GADL1: variants seen among roughly 807,000 people sequenced by gnomAD.
The protein encoded by GADL1 is GAD like acidic amino acid decarboxylase 1.
GADL1 carries 71 observed loss-of-function variants against 69.5 expected under a neutral mutation model. The observed-to-expected ratio is 1.02, with a 90% CI of 0.84 to 1.25. The LOEUF (loss-of-function observed/expected upper bound fraction) is 1.25, where lower values mean the gene tolerates loss of function less well. GADL1 is among the 50% of genes most tolerant of loss of function. The pLI, the probability that GADL1 is intolerant of heterozygous loss-of-function variation, is 0.00. For synonymous variants in GADL1, 254 were observed against 214.4 expected, an observed-to-expected ratio of 1.18 and a Z score of -1.62; for missense variants, 737 against 631.8, an observed-to-expected ratio of 1.17 and a Z score of -1.79.
At chr3:30,800,844 CACACACA>C in intron 12 of GADL1, 38 bp downstream of exon 12, 1 of 1,187,778 alleles carries the variant, frequency 8.4e-7, no homozygotes, top group Non-Finnish European at 1.2e-6. Flanking sequence ...CACACACACA[CACACACA>C]GAAAGAGAGA....
intron 14 of GADL1, among the ~76,000 whole-genome samples, chr3:30,777,048 G>C (rs985657847): frequency 1.3e-5 from 2 of 152,006 alleles, no homozygotes; most frequent in African/African-American, 4.8e-5. Flanking sequence ...GGTACTTCTT[G>C]GTTACCTTGT....
intron 9 of GADL1, among the ~76,000 whole-genome samples, chr3:30,835,778 A>T (rs1407631474): frequency 2.6e-5 from 4 of 152,026 alleles, no homozygotes; most frequent in Admixed American, 2.6e-4. Context: ...ATGTGTTTCA[A>T]GGGTGTTGGG....
chr3:30,817,942 A>T (rs1697502921), intron 11 of GADL1, among the ~76,000 whole-genome samples: 1 of 152,212 alleles, frequency 6.6e-6, no homozygotes, highest in South Asian at 2.1e-4. Context: ...ACTGCTATGG[A>T]ACTGGAGATA....
At chr3:30,878,873 T>C (rs1698609781) in intron 1 of GADL1, among the ~76,000 whole-genome samples, 1 of 151,988 alleles carries the variant, frequency 6.6e-6, no homozygotes, top group Non-Finnish European at 1.5e-5. Flanking sequence ...TTATTTTATT[T>C]AGTCCAATCT....
chr3:30,810,068 C>T (rs988644051), intron 11 of GADL1, among the ~76,000 whole-genome samples: 5 of 152,146 alleles, frequency 3.3e-5, no homozygotes, highest in Admixed American at 1.3e-4. Context: ...TTCTCTTCTG[C>T]CATATAGTGA....
chr3:30,800,464 G>C (rs1213372738), intron 12 of GADL1: 1 of 182,708 alleles, frequency 5.5e-6, no homozygotes, highest in Non-Finnish European at 1.1e-5. Context: ...TCTGGGTGGG[G>C]ACACAGAGTC....
intron 14 of GADL1, among the ~76,000 whole-genome samples, chr3:30,744,614 C>T (rs1445962015): frequency 3.3e-5 from 5 of 151,874 alleles, no homozygotes; most frequent in East Asian, 1.9e-4. Flanking sequence ...CTTGGGAGAC[C>T]GAGGCGGGAG....
intron 13 of GADL1, among the ~76,000 whole-genome samples, chr3:30,779,382 T>G (rs749850058): frequency 3.3e-5 from 5 of 152,238 alleles, no homozygotes; most frequent in Non-Finnish European, 7.3e-5. Flanking sequence ...GTCAGAATTA[T>G]GCTCCAGTAT....
intron 11 of GADL1, among the ~76,000 whole-genome samples, chr3:30,805,960 G>T (rs1176946447): frequency 6.6e-6 from 1 of 151,930 alleles, no homozygotes; most frequent in African/African-American, 2.4e-5. Flanking sequence ...GACTGATCTT[G>T]CGGGAGGAGG....
chr3:30,808,042 A>C (rs7622343), intron 11 of GADL1, among the ~76,000 whole-genome samples: 54,485 of 151,880 alleles, frequency 0.36, 9,915 homozygotes, highest in Admixed American at 0.43. Flanking sequence ...GGGGGAAATA[A>C]AAGTGTTTTT....
At chr3:30,781,808 G>A (rs1487025883) in intron 13 of GADL1, among the ~76,000 whole-genome samples, 3 of 152,192 alleles carry the variant, frequency 2.0e-5, no homozygotes, top group African/African-American at 4.8e-5. Context: ...CACACAGCAA[G>A]CACTGGTCAG....
chr3:30,767,611 A>G (rs1489901363), intron 14 of GADL1, among the ~76,000 whole-genome samples: 1 of 152,214 alleles, frequency 6.6e-6, no homozygotes, highest in Non-Finnish European at 1.5e-5. Flanking sequence ...TTAAATACAA[A>G]AAATTGAATG....
intron 14 of GADL1, among the ~76,000 whole-genome samples, chr3:30,748,001 T>C (rs1695734628): frequency 6.6e-6 from 1 of 152,176 alleles, no homozygotes; most frequent in Non-Finnish European, 1.5e-5. Flanking sequence ...ACCCCCCAAA[T>C]ATTTACAAGT....
At chr3:30,816,233 A>G (rs1295899906) in intron 11 of GADL1, among the ~76,000 whole-genome samples, 3 of 152,114 alleles carry the variant, frequency 2.0e-5, no homozygotes, top group African/African-American at 7.2e-5. Flanking sequence ...GGAAAAGCAG[A>G]AAGGCCCCCT....
At chr3:30,753,334 T>C (rs895430614) in intron 14 of GADL1, among the ~76,000 whole-genome samples, 6 of 152,214 alleles carry the variant, frequency 3.9e-5, no homozygotes, top group African/African-American at 1.4e-4. Flanking sequence ...AACCATGTAT[T>C]TTGAATTCTA....
chr3:30,880,081 A>G (rs1698623415), intron 1 of GADL1, among the ~76,000 whole-genome samples: 1 of 151,936 alleles, frequency 6.6e-6, no homozygotes, highest in African/African-American at 2.4e-5. Context: ...TTTTAAATAC[A>G]TTCCTGAAAA....
intron 11 of GADL1, among the ~76,000 whole-genome samples, chr3:30,809,565 G>A (rs1043287565): frequency 1.3e-5 from 2 of 152,066 alleles, no homozygotes; most frequent in African/African-American, 4.8e-5. Context: ...TTCCAGTCAA[G>A]CATTTTCCAA....
intron 13 of GADL1, among the ~76,000 whole-genome samples, chr3:30,781,837 G>T (rs955752610): frequency 4.6e-5 from 7 of 152,112 alleles, no homozygotes; most frequent in Admixed American, 1.3e-4. Context: ...TATTATTTGG[G>T]GCCATAATGG....
chr3:30,769,933 T>G (rs966684251), intron 14 of GADL1, among the ~76,000 whole-genome samples: 1 of 44,554 alleles, frequency 2.2e-5, no homozygotes, highest in African/African-American at 2.3e-4. Context: ...ACTGACGAAT[T>G]TAGGTAAGAT....
Sources: allele counts gnomAD v4.1 joint callset (sites outside exome capture counted in the v4.1 genomes callset), GRCh38; gene constraint gnomAD v4.1.1; transcripts MANE v1.5; gene names NCBI Gene and HGNC (gene_info 2026-07-23, HGNC 2026-07-21).